The following RASEF variants were observed in gnomAD, a reference collection of about 807,000 sequenced individuals.
The protein encoded by RASEF is ras and EF-hand domain-containing protein.
Under a neutral mutation model 90.1 loss-of-function variants are expected in RASEF, and 68 were observed. That is an observed-to-expected ratio of 0.75 (90% confidence interval 0.62 to 0.92). The LOEUF is 0.92. RASEF is among the 40% of genes least tolerant of loss of function. The pLI, the probability that RASEF is intolerant of heterozygous loss-of-function variation, is 0.00. For missense variants in RASEF, 949 were observed against 937.2 expected (o/e 1.01, Z -0.16); for synonymous variants, 331 against 345.2 (o/e 0.96, Z 0.46).
At chr9:83,146,765 C>A in the RASEF span, among the ~76,000 whole-genome samples, 1 of 152,084 alleles carries the variant, frequency 6.6e-6, no homozygotes, top group Admixed American at 6.6e-5. Flanking sequence ...AAATCCTTAA[C>A]TGAAGGCACA....
the RASEF span, among the ~76,000 whole-genome samples, chr9:83,091,302 C>T: frequency 3.3e-5 from 5 of 152,278 alleles, no homozygotes; most frequent in African/African-American, 1.2e-4. Context: ...CCCTGTGATC[C>T]CAGCACTTTG....
the RASEF span, among the ~76,000 whole-genome samples, chr9:83,150,279 TGGTTTCATCATGTA>T: frequency 6.6e-6 from 1 of 152,152 alleles, no homozygotes; most frequent in Non-Finnish European, 1.5e-5. Flanking sequence ...GTTTTTATGA[TGGTTTCATCATGTA>T]GGTGAGATTG....
At chr9:83,104,791 C>T in the RASEF span, among the ~76,000 whole-genome samples, 1 of 152,156 alleles carries the variant, frequency 6.6e-6, no homozygotes, top group East Asian at 1.9e-4. Flanking sequence ...TATGTTAAAA[C>T]ATTATTAGTT....
chr9:83,009,879 A>C (rs1212030281), intron 5 of RASEF, 123 bp from the exon 6 acceptor site: 1 of 566,936 alleles, frequency 1.8e-6, no homozygotes, highest in East Asian at 2.8e-5. Context: ...TCAAAATCTC[A>C]GTGTTCAAAC....
chr9:83,194,263 A>G, the RASEF span, among the ~76,000 whole-genome samples: 1 of 152,198 alleles, frequency 6.6e-6, no homozygotes, highest in Non-Finnish European at 1.5e-5. Context: ...TCCTCTCATC[A>G]GGGACAGCCT....
intron 4 of RASEF, among the ~76,000 whole-genome samples, chr9:83,014,477 T>C (rs1657718111): frequency 6.6e-6 from 1 of 151,996 alleles, no homozygotes; most frequent in African/African-American, 2.4e-5. Context: ...ATTTTTAAAA[T>C]TTATTTATTT....
the RASEF span, among the ~76,000 whole-genome samples, chr9:83,179,627 T>C: frequency 6.6e-6 from 1 of 152,198 alleles, no homozygotes; most frequent in African/African-American, 2.4e-5. Context: ...ACAGTGCCTA[T>C]AGTGTATTAG....
At chr9:82,994,556 C>A (rs1360807854) in intron 14 of RASEF, among the ~76,000 whole-genome samples, 2 of 152,164 alleles carry the variant, frequency 1.3e-5, no homozygotes, top group African/African-American at 4.8e-5. Flanking sequence ...CTGTCTCCCC[C>A]ACTGGAACAC....
At chr9:83,199,196 T>A in the RASEF span, among the ~76,000 whole-genome samples, 15 of 147,774 alleles carry the variant, frequency 1.0e-4, no homozygotes, top group African/African-American at 3.8e-4. Flanking sequence ...TTCTCACATA[T>A]TTTGGAGGCA....
At chr9:83,167,751 C>A in the RASEF span, among the ~76,000 whole-genome samples, 2 of 152,106 alleles carry the variant, frequency 1.3e-5, no homozygotes, top group African/African-American at 4.8e-5. Flanking sequence ...CTGGACATTT[C>A]ATATAGATGG....
chr9:83,033,825 A>T (rs1022702195), intron 1 of RASEF, among the ~76,000 whole-genome samples: 1 of 152,220 alleles, frequency 6.6e-6, no homozygotes, highest in Non-Finnish European at 1.5e-5. Context: ...AAAATCTGGT[A>T]GTATAATTAT....
chr9:83,085,443 A>C, the RASEF span, among the ~76,000 whole-genome samples: 1 of 151,754 alleles, frequency 6.6e-6, no homozygotes, highest in Non-Finnish European at 1.5e-5. Context: ...AGACCAGCCT[A>C]GGCAACATGG....
intron 1 of RASEF, among the ~76,000 whole-genome samples, chr9:83,060,935 C>A (rs114117541): frequency 6.6e-6 from 1 of 152,158 alleles, no homozygotes; most frequent in Non-Finnish European, 1.5e-5. Context: ...TGTACACTGA[C>A]CCAGGTCATT....
chr9:83,175,729 C>G, the RASEF span, among the ~76,000 whole-genome samples: 1 of 152,052 alleles, frequency 6.6e-6, no homozygotes, highest in Non-Finnish European at 1.5e-5. Context: ...TACAGGCGCA[C>G]ACTGCCATGC....
At chr9:83,213,377 G>A in the RASEF span, among the ~76,000 whole-genome samples, 3 of 148,942 alleles carry the variant, frequency 2.0e-5, no homozygotes, top group African/African-American at 7.5e-5. Flanking sequence ...TCCAGCCTGG[G>A]CAACAGAGCG....
the RASEF span, among the ~76,000 whole-genome samples, chr9:83,136,761 A>G: frequency 6.6e-6 from 1 of 152,108 alleles, no homozygotes; most frequent in African/African-American, 2.4e-5. Context: ...TTATGTATGA[A>G]ATACAAGAAA....
intron 3 of RASEF, among the ~76,000 whole-genome samples, chr9:83,020,182 T>C (rs1224875990): frequency 1.3e-5 from 2 of 151,678 alleles, no homozygotes; most frequent in Non-Finnish European, 2.9e-5. Context: ...CAGGAAGAGG[T>C]GAATGTGGCT....
the RASEF span, among the ~76,000 whole-genome samples, chr9:83,146,210 T>C: frequency 6.6e-6 from 1 of 151,484 alleles, no homozygotes; most frequent in Non-Finnish European, 1.5e-5. Context: ...ATAAAAACAA[T>C]CACCAGCAAT....
chr9:83,062,507 G>A lies in RASEF; in HGVS notation c.361C>T (p.Pro121Ser), dbSNP rs1222464920. The change falls in exon 1 of 17, where the codon CCG (proline) becomes TCG (serine). Residue 121 changes from proline to serine, a missense_variant. By Grantham distance (74) the Pro-to-Ser change is moderately conservative. Transcript: ENST00000376447. ...TGCCAAGCCCGGCCGGGACTCGCCG[G>A]GCCGCACGAGGTGGCCAGCGCCGCC... is the stretch of plus-strand genomic sequence containing the variant. ...AAAALATSCG[P>S]ASPGRAWQDF... 6.2e-7 allele frequency: 1 copy of A among 1,610,982 alleles called. No homozygotes were observed. Among genetic ancestry groups the A allele is most frequent in the South Asian group, 1.1e-5 (1 of 90,904 alleles).
Sources: gnomAD v4.1 joint callset for allele counts (sites outside exome capture counted in the v4.1 genomes callset) on GRCh38, gnomAD v4.1.1 for gene constraint, MANE v1.5 for transcripts, NCBI Gene and HGNC (gene_info 2026-07-23, HGNC 2026-07-21) for gene names.